RIMS1: variants seen among roughly 807,000 people sequenced by gnomAD.
The protein encoded by RIMS1 is regulating synaptic membrane exocytosis protein 1.
A neutral mutation model predicts 214.1 loss-of-function variants in RIMS1; 83 were observed. That is an observed-to-expected ratio of 0.39 (90% CI 0.32 to 0.47). The LOEUF (loss-of-function observed/expected upper bound fraction) is 0.47. Among genes scored for constraint, RIMS1 ranks in the 20% least tolerant of loss-of-function variants. RIMS1 has a pLI of 0.99. For synonymous variants in RIMS1, 793 were observed against 786.8 expected (o/e 1.01, Z -0.13); for missense variants, 2,050 against 2,161.8 (o/e 0.95, Z 1.03).
chr6:72,252,752 G>A lies in RIMS1; in HGVS notation c.2699-9G>A. 2 of 1,555,928 alleles carry A rather than the reference G, an allele frequency of 1.3e-6. No homozygotes were observed. Among genetic ancestry groups the A allele is most frequent in the Non-Finnish European group, 1.7e-6 (2 of 1,148,370 alleles). ...CACAGAAGTATCTCTTTGCCTTACT[G>A]TTGTGCAGGATCTCAGCGAATCAGT... On this transcript the variant is annotated splice_polypyrimidine_tract_variant and intron_variant, in intron 15 of 33. Coordinates refer to ENST00000521978, the MANE Select transcript of RIMS1 (RefSeq NM_014989.7).
chr6:72,256,295 G>A (rs2075836551), intron 16 of RIMS1, among the ~76,000 whole-genome samples: 1 of 151,990 alleles, frequency 6.6e-6, no homozygotes, highest in Non-Finnish European at 1.5e-5. Flanking sequence ...CACCAAAATA[G>A]TACACATTGC....
At chr6:72,258,887 T>C in intron 17 of RIMS1, 99 bp from the exon 18 acceptor site, 2 of 1,103,758 alleles carry the variant, frequency 1.8e-6, no homozygotes, top group South Asian at 2.6e-5. Context: ...CTTTTCAGTG[T>C]TTATTTGCAT....
In RIMS1 at chr6:72,346,221, A is replaced by G. The variant is rs148104488; in HGVS notation, c.4366+12386A>G. 5.9e-5 allele frequency among the ~76,000 whole-genome samples: 9 copies of G among 151,942 alleles called. No homozygotes were observed. In the East Asian group the frequency reaches 1.5e-3, roughly 26 times the overall value. Reference sequence around the variant, plus strand: ...TTAGCAGTTTTAATAATTCTGGGGAACCAAATACAAGGGTAAGTAGATAAA... The same window carrying G: ...TTAGCAGTTTTAATAATTCTGGGGAGCCAAATACAAGGGTAAGTAGATAAA... On this transcript the variant is annotated intron_variant, in intron 29 of 33. Transcript: ENST00000521978.
Position 72,182,476 on chromosome 6 carries a change from T to C in RIMS1, c.1005T>C (p.Asp335=). Residue 335 remains aspartate, a synonymous_variant, in exon 6 of 34, where the codon GAT becomes GAC. Coordinates refer to ENST00000521978, the MANE Select transcript of RIMS1 (RefSeq NM_014989.7). The part of the protein sequence containing the change: ...QDYPDTPEKR[D]EGKAADEEKQ... ...ACCCAGACACGCCGGAAAAACGGGATGAGGGCAAAGCGGCGGATGAGGAAA... is the reference window on the plus strand; with the variant it reads ...ACCCAGACACGCCGGAAAAACGGGACGAGGGCAAAGCGGCGGATGAGGAAA... The C allele has an allele frequency of 6.2e-7, 1 of 1,613,090 alleles. No individual in the cohort carries two copies.
chr6:72,057,990 G>A (rs964982695), intron 2 of RIMS1, among the ~76,000 whole-genome samples: 1 of 152,202 alleles, frequency 6.6e-6, no homozygotes, highest in Non-Finnish European at 1.5e-5. Flanking sequence ...TAATACAGGT[G>A]CAGTTGCATA....
At chr6:72,225,124 A>G (rs1205095007) in intron 6 of RIMS1, among the ~76,000 whole-genome samples, 1 of 152,196 alleles carries the variant, frequency 6.6e-6, no homozygotes, top group Non-Finnish European at 1.5e-5. Flanking sequence ...TAAGTAGAAT[A>G]AAACAGAAAA....
chr6:72,048,391 T>C (rs981689091), intron 2 of RIMS1, among the ~76,000 whole-genome samples: 4 of 152,180 alleles, frequency 2.6e-5, no homozygotes, highest in African/African-American at 9.7e-5. Flanking sequence ...ACTGTGGCCT[T>C]CTCCTGAGTC....
intron 29 of RIMS1, among the ~76,000 whole-genome samples, chr6:72,368,021 T>C (rs2098093714): frequency 6.6e-6 from 1 of 152,182 alleles, no homozygotes; most frequent in South Asian, 2.1e-4. Flanking sequence ...TAGGATGGCT[T>C]TAATACATTT....
At chr6:72,327,150 A>G (rs981282677) in intron 28 of RIMS1, among the ~76,000 whole-genome samples, 1 of 151,822 alleles carries the variant, frequency 6.6e-6, no homozygotes, top group African/African-American at 2.4e-5. Context: ...ACCAAAAAAA[A>G]ATACATAAAA....
chr6:71,929,727 C>A (rs1782509917), intron 1 of RIMS1, among the ~76,000 whole-genome samples: 1 of 151,912 alleles, frequency 6.6e-6, no homozygotes, highest in Non-Finnish European at 1.5e-5. Context: ...AAACATTTTT[C>A]TAAAAGTTCA....
chr6:72,269,715 A>G (rs952498545), intron 22 of RIMS1, among the ~76,000 whole-genome samples: 5 of 152,184 alleles, frequency 3.3e-5, no homozygotes, highest in African/African-American at 9.7e-5. Flanking sequence ...CTCACCTTGA[A>G]TATATTAATA....
At chr6:72,120,082 T>A (rs1237337497) in intron 4 of RIMS1, among the ~76,000 whole-genome samples, 1 of 151,948 alleles carries the variant, frequency 6.6e-6, no homozygotes, top group African/African-American at 2.4e-5. Context: ...GTTCCAAGTC[T>A]TTACTATTGT....
chr6:72,393,980 T>G (rs2098742258), intron 31 of RIMS1, among the ~76,000 whole-genome samples: 1 of 151,662 alleles, frequency 6.6e-6, no homozygotes. Flanking sequence ...ACTTGAAGAT[T>G]TACTTTGACC....
intron 6 of RIMS1, among the ~76,000 whole-genome samples, chr6:72,205,052 C>T (rs2052667108): frequency 6.6e-6 from 1 of 152,062 alleles, no homozygotes; most frequent in Non-Finnish European, 1.5e-5. Context: ...ACAGAAACTT[C>T]TCCTAATTAC....
At chr6:72,049,806 C>CGA (rs1327928324) in intron 2 of RIMS1, among the ~76,000 whole-genome samples, 3 of 151,934 alleles carry the variant, frequency 2.0e-5, no homozygotes, top group African/African-American at 7.3e-5. Flanking sequence ...TCCTTGCTAT[C>CGA]TATTTTTAGC....
intron 2 of RIMS1, among the ~76,000 whole-genome samples, chr6:71,970,745 A>G (rs1038026198): frequency 2.0e-5 from 3 of 152,330 alleles, no homozygotes; most frequent in Admixed American, 6.5e-5. Flanking sequence ...TTTTCTGTTT[A>G]AAATAATGAA....
intron 2 of RIMS1, among the ~76,000 whole-genome samples, chr6:71,992,771 C>T (rs1802267864): frequency 6.6e-6 from 1 of 151,960 alleles, no homozygotes; most frequent in African/African-American, 2.4e-5. Flanking sequence ...GTGATCCTCC[C>T]ATCTCAGTGT....
At chr6:72,217,122 C>T (rs2056449585) in intron 6 of RIMS1, 3 of 1,529,290 alleles carry the variant, frequency 2.0e-6, no homozygotes, top group African/African-American at 1.4e-5. Flanking sequence ...CATTTGCTGC[C>T]ATTGCTAGCT....
At chr6:72,327,541 A>G (rs1182341322) in intron 28 of RIMS1, among the ~76,000 whole-genome samples, 1 of 151,780 alleles carries the variant, frequency 6.6e-6, no homozygotes, top group Non-Finnish European at 1.5e-5. Flanking sequence ...TTAGGAATGG[A>G]ATTGCTGGAT....
Sources: allele counts gnomAD v4.1 joint callset (sites outside exome capture counted in the v4.1 genomes callset), GRCh38; gene constraint gnomAD v4.1.1; transcripts MANE v1.5; gene names NCBI Gene and HGNC (gene_info 2026-07-23, HGNC 2026-07-21).